STC1: variants seen among roughly 807,000 people sequenced by gnomAD.
STC1 encodes stanniocalcin-1.
STC1 carries 7 observed loss-of-function variants against 22.6 expected under a neutral mutation model. That is an observed-to-expected ratio of 0.31 (90% CI 0.18 to 0.58). The LOEUF (loss-of-function observed/expected upper bound fraction) is 0.58, where lower values mean the gene tolerates loss of function less well. Among genes scored for constraint, STC1 ranks in the 20% least tolerant of loss-of-function variants. The pLI, the probability that STC1 is intolerant of heterozygous loss-of-function variation, is 0.89. For missense variants in STC1, 224 were observed against 311.0 expected (o/e 0.72, Z 2.10); for synonymous variants, 113 against 120.7 (o/e 0.94, Z 0.42).
At chr8:23,850,331 G>T (rs1267214502) in intron 3 of STC1, among the ~76,000 whole-genome samples, 2 of 152,190 alleles carry the variant, frequency 1.3e-5, no homozygotes, top group African/African-American at 4.8e-5. Context: ...GCAAAGCACT[G>T]ATCATTGTGG....
At chr8:23,845,188 C>T (rs535360577) in intron 3 of STC1, 148 bp from the exon 4 acceptor site, 8 of 807,766 alleles carry the variant, frequency 9.9e-6, no homozygotes, top group African/African-American at 5.2e-5. Flanking sequence ...GGCTTTTGCT[C>T]TCTAACCCTT....
At chr8:23,845,618 C>T (rs1472885983) in intron 3 of STC1, among the ~76,000 whole-genome samples, 1 of 151,924 alleles carries the variant, frequency 6.6e-6, no homozygotes, top group Non-Finnish European at 1.5e-5. Flanking sequence ...TCTAAGGCCC[C>T]CTCTTCTGTG....
chr8:23,853,449 G>A (rs371646374), intron 1 of STC1, among the ~76,000 whole-genome samples: 50 of 152,336 alleles, frequency 3.3e-4, no homozygotes, highest in African/African-American at 1.2e-3. Flanking sequence ...GTGAATCACT[G>A]CATCTCTATA....
chr8:23,845,397 A>G (rs1392047043), intron 3 of STC1, among the ~76,000 whole-genome samples: 1 of 152,162 alleles, frequency 6.6e-6, no homozygotes, highest in Non-Finnish European at 1.5e-5. Flanking sequence ...TTCAACTCTC[A>G]TTTTGTAGAG....
intron 3 of STC1, among the ~76,000 whole-genome samples, chr8:23,848,667 T>A (rs1401475054): frequency 6.6e-6 from 1 of 151,946 alleles, no homozygotes; most frequent in Non-Finnish European, 1.5e-5. Context: ...TTTTTAATTA[T>A]GTTTCTTTTT....
Position 23,854,680 on chromosome 8 carries a change from ATGCTGCTGCTGCCACCGGTGCCTCCGC to A in STC1, c.-184_-158del. 1 of 765,618 alleles carries A rather than the reference ATGCTGCTGCTGCCACCGGTGCCTCCGC, an allele frequency of 1.3e-6. No individual in the cohort carries two copies. The highest frequency in any genetic ancestry group is 2.5e-5 in the East Asian group (1 of 40,228). The allele number at this position is 765,618 out of a possible 1,614,324, so 47.4% of individuals were successfully genotyped here. The stretch of plus-strand genomic sequence containing the variant: ...TTTTTTTTTGTTGTTGTTGCTGGTG[ATGCTGCTGCTGCCACCGGTGCCTCCGC>A]TGCTGCTGCTGCTGCCGCCGCTGCT... On this transcript the variant is annotated 5_prime_UTR_variant, in exon 1 of 4. Coordinates refer to ENST00000290271, the MANE Select transcript of STC1 (RefSeq NM_003155.3).
rs1802561563 is a variant in STC1 at position 23,845,492 on chromosome 8, C to A, written c.474-452G>T. 2.0e-5 allele frequency among the ~76,000 whole-genome samples: 3 copies of A among 151,984 alleles called. No homozygotes were observed. In the South Asian group the frequency reaches 6.2e-4, roughly 32 times the overall value. ...CTGAGATTAGTAGCCATTGTACATG[C>A]ATGTGTAATTATTTTGATGCTTTTT... On this transcript the variant is annotated intron_variant, in intron 3 of 3. Coordinates refer to ENST00000290271, the MANE Select transcript of STC1 (RefSeq NM_003155.3).
At chr8:23,852,736 A>G (rs755005452) in intron 1 of STC1, among the ~76,000 whole-genome samples, 6 of 152,152 alleles carry the variant, frequency 3.9e-5, no homozygotes, top group Non-Finnish European at 5.9e-5. Context: ...ATTGCTTAGC[A>G]CTTGAAAGCA....
At position 23,852,344 on chromosome 8, in the gene STC1, G is replaced by C; in HGVS notation, c.159C>G (p.Gly53=). The change falls in exon 2 of 4, where the codon GGC becomes GGG. Residue 53 remains glycine, a synonymous_variant. Coordinates refer to ENST00000290271, the MANE Select transcript of STC1 (RefSeq NM_003155.3). The part of the protein sequence containing the change: ...VRCLNSALQV[G]CGAFACLENS... Reference sequence around the variant, plus strand: ...TTTCCAGGCATGCAAAAGCCCCGCAGCCGACCTGTAGAGCACTGTTGAGGC... The same window carrying C: ...TTTCCAGGCATGCAAAAGCCCCGCACCCGACCTGTAGAGCACTGTTGAGGC... 1 of 1,613,044 alleles carries C rather than the reference G, an allele frequency of 6.2e-7. No homozygotes were observed. The highest frequency in any genetic ancestry group is 8.5e-7 in the Non-Finnish European group (1 of 1,179,456).
chr8:23,854,705 C>CGCTGCTGCT lies in STC1; in HGVS notation c.-191_-183dup, dbSNP rs774315422. 1 of 687,488 alleles carries CGCTGCTGCT rather than the reference C, an allele frequency of 1.5e-6. No individual in the cohort carries two copies. Among genetic ancestry groups the CGCTGCTGCT allele is most frequent in the Non-Finnish European group, 2.7e-6 (1 of 377,252 alleles). 42.6% of individuals were successfully genotyped at this position (687,488 alleles called of 1,614,324 possible). A position where few individuals can be genotyped will look rare whatever the true frequency, so the allele number is the denominator to read the frequency against. The stretch of plus-strand genomic sequence containing the variant: ...ATGCTGCTGCTGCCACCGGTGCCTC[C>CGCTGCTGCT]GCTGCTGCTGCTGCTGCCGCCGCTG... On this transcript the variant is annotated 5_prime_UTR_variant, in exon 1 of 4. Transcript: ENST00000290271.
intron 3 of STC1, among the ~76,000 whole-genome samples, chr8:23,848,888 G>A (rs764039788): frequency 2.6e-5 from 4 of 152,090 alleles, no homozygotes; most frequent in Non-Finnish European, 5.9e-5. Context: ...CTAGAGAGTT[G>A]GAAGCTTTGT....
intron 1 of STC1, among the ~76,000 whole-genome samples, chr8:23,852,821 A>G (rs1275289413): frequency 1.3e-5 from 2 of 152,178 alleles, no homozygotes; most frequent in African/African-American, 4.8e-5. Context: ...TAGCTTTGGA[A>G]AAATGCACTC....
intron 3 of STC1, among the ~76,000 whole-genome samples, chr8:23,848,099 A>C (rs557814038): frequency 1.3e-5 from 2 of 152,354 alleles, no homozygotes; most frequent in South Asian, 4.1e-4. Flanking sequence ...TAGTCTAGTT[A>C]ACCTCAGCAG....
rs747151946 is a variant in STC1 at position 23,851,550 on chromosome 8, A to G, written c.262-19T>C. ...CTTTTCCCTGCCATGGAGGAAGGAC[A>G]AGAGGGAGGTCTTTAGCTTGACCTG... is the stretch of plus-strand genomic sequence containing the variant. On this transcript the variant is annotated intron_variant, in intron 2 of 3. Coordinates refer to ENST00000290271, the MANE Select transcript of STC1 (RefSeq NM_003155.3). 3.1e-6 allele frequency: 5 copies of G among 1,613,024 alleles called. No homozygotes were observed. The highest frequency in any genetic ancestry group is 3.4e-6 in the Non-Finnish European group (4 of 1,179,290).
At chr8:23,852,179 C>A (rs1802645901) in intron 2 of STC1, 63 bp downstream of exon 2, 2 of 1,607,214 alleles carry the variant, frequency 1.2e-6, no homozygotes, top group East Asian at 2.2e-5. Flanking sequence ...TTCCTAAGAA[C>A]CATGGTCTAA....
chr8:23,847,673 A>G (rs1265001225), intron 3 of STC1, among the ~76,000 whole-genome samples: 2 of 152,212 alleles, frequency 1.3e-5, no homozygotes, highest in Non-Finnish European at 2.9e-5. Flanking sequence ...ATGCTTGCCA[A>G]TGACATAGCC....
At chr8:23,854,282 T>C (rs1802672380) in intron 1 of STC1, 124 bp downstream of exon 1, 1 of 1,004,856 alleles carries the variant, frequency 1.0e-6, no homozygotes, top group Admixed American at 2.2e-5. Context: ...ACTGGCAGTT[T>C]ATTGCCATCA....
chr8:23,853,260 C>T (rs547948800), intron 1 of STC1, among the ~76,000 whole-genome samples: 2 of 152,324 alleles, frequency 1.3e-5, no homozygotes, highest in Middle Eastern at 6.8e-3. Context: ...ATAGGATTCT[C>T]CTCTGAGATC....
In STC1 at chr8:23,854,727, G is replaced by A. The variant is rs1472305180; in HGVS notation, c.-204C>T. On this transcript the variant is annotated 5_prime_UTR_variant, in exon 1 of 4. Coordinates refer to ENST00000290271, the MANE Select transcript of STC1 (RefSeq NM_003155.3). The stretch of plus-strand genomic sequence containing the variant: ...CTCCGCTGCTGCTGCTGCTGCCGCC[G>A]CTGCTGCTGCTGCTGCCACCGCCGC... 7 of 586,628 alleles carry A rather than the reference G, an allele frequency of 1.2e-5. No homozygotes were observed. The highest frequency in any genetic ancestry group is 5.1e-5 in the South Asian group (3 of 59,250). The allele number at this position is 586,628 out of a possible 1,614,324, so 36.3% of individuals were successfully genotyped here.
Sources: gnomAD v4.1 joint callset for allele counts (sites outside exome capture counted in the v4.1 genomes callset) on GRCh38, gnomAD v4.1.1 for gene constraint, MANE v1.5 for transcripts, NCBI Gene and HGNC (gene_info 2026-07-23, HGNC 2026-07-21) for gene names.